The following DGKB variants were observed in gnomAD, a reference collection of about 807,000 sequenced individuals.
The protein encoded by DGKB is 90 kDa diacylglycerol kinase.
A neutral mutation model predicts 114.3 loss-of-function variants in DGKB; 67 were observed. The observed-to-expected ratio is 0.59, with a 90% CI of 0.48 to 0.72. The LOEUF is 0.72. Ranked by LOEUF, DGKB falls within the 30% of genes least tolerant of loss-of-function variation. The pLI, the probability that DGKB is intolerant of heterozygous loss-of-function variation, is 0.00. For missense variants in DGKB, 907 were observed against 975.2 expected, an observed-to-expected ratio of 0.93 and a Z score of 0.93; for synonymous variants, 398 against 323.1, an observed-to-expected ratio of 1.23 and a Z score of -2.49.
chr7:14,488,283 C>G (rs1034901532), intron 20 of DGKB, among the ~76,000 whole-genome samples: 34 of 152,106 alleles, frequency 2.2e-4, no homozygotes, highest in African/African-American at 8.0e-4. Flanking sequence ...TTCCTGCGTA[C>G]AATATGTAGC....
At chr7:14,613,248 G>A in intron 16 of DGKB, 92 bp downstream of exon 16, 1 of 677,294 alleles carries the variant, frequency 1.5e-6, no homozygotes, top group South Asian at 2.1e-5. Context: ...TAGCAGAGAG[G>A]AATAATTGTT....
intron 2 of DGKB, among the ~76,000 whole-genome samples, chr7:14,786,045 T>G (rs1019966541): frequency 2.6e-5 from 4 of 152,264 alleles, no homozygotes; most frequent in Admixed American, 6.5e-5. Flanking sequence ...TTTCCTTTTT[T>G]TCGTCTTCAT....
intron 20 of DGKB, among the ~76,000 whole-genome samples, chr7:14,562,313 G>C (rs542613040): frequency 6.6e-6 from 1 of 152,226 alleles, no homozygotes; most frequent in Admixed American, 6.5e-5. Context: ...ACCTCTGCTA[G>C]CATGCAGAAG....
intron 21 of DGKB, among the ~76,000 whole-genome samples, chr7:14,441,131 C>G (rs982615063): frequency 6.6e-6 from 1 of 152,088 alleles, no homozygotes; most frequent in Non-Finnish European, 1.5e-5. Flanking sequence ...ACCTCAGACT[C>G]TCTAGCGGCT....
At chr7:14,674,715 G>C (rs534231445) in intron 12 of DGKB, among the ~76,000 whole-genome samples, 1 of 152,066 alleles carries the variant, frequency 6.6e-6, no homozygotes, top group Admixed American at 6.6e-5. Flanking sequence ...ACGGCACAGA[G>C]AGGAGAAGTC....
rs73052903 is a variant in DGKB at position 14,813,129 on chromosome 7, G to A, written c.70+28065C>T. 1.5e-3 allele frequency among the ~76,000 whole-genome samples: 234 copies of A among 152,244 alleles called. 1 individual carries two copies. In the Middle Eastern group the frequency reaches 0.02, roughly 13 times the overall value. On this transcript the variant is annotated intron_variant, in intron 2 of 25. Coordinates refer to ENST00000402815, the MANE Select transcript of DGKB (RefSeq NM_001350709.2). The stretch of plus-strand genomic sequence containing the variant: ...TTGGAATGTTCAAAGATGTGTGAGA[G>A]GAATTCAGTAATTTTATTAATAACC...
intron 23 of DGKB, among the ~76,000 whole-genome samples, chr7:14,215,246 AG>A (rs1184090336): frequency 5.3e-5 from 8 of 152,144 alleles, no homozygotes; most frequent in Non-Finnish European, 1.0e-4. Flanking sequence ...CCCATAAGAA[AG>A]GAACCTGTAG....
intron 1 of DGKB, among the ~76,000 whole-genome samples, chr7:14,870,263 C>T (rs1852258297): frequency 6.6e-6 from 1 of 152,196 alleles, no homozygotes; most frequent in Admixed American, 6.5e-5. Context: ...CCTGTTTCTT[C>T]TACCTTGTAG....
chr7:14,391,147 G>C (rs113024356), intron 21 of DGKB, among the ~76,000 whole-genome samples: 18 of 152,232 alleles, frequency 1.2e-4, no homozygotes, highest in African/African-American at 4.3e-4. Flanking sequence ...TAACTTTACC[G>C]ATTATTAATG....
At chr7:14,664,141 A>G (rs1817630056) in intron 13 of DGKB, among the ~76,000 whole-genome samples, 1 of 152,008 alleles carries the variant, frequency 6.6e-6, no homozygotes, top group Non-Finnish European at 1.5e-5. Context: ...GAGTTCCCTT[A>G]CTTTCTAACA....
chr7:14,585,321 A>C (rs1800576064), intron 17 of DGKB, among the ~76,000 whole-genome samples: 1 of 152,172 alleles, frequency 6.6e-6, no homozygotes, highest in Admixed American at 6.6e-5. Flanking sequence ...CTAATAACTT[A>C]CATATTTCTC....
chr7:14,310,603 C>G (rs1805232480), intron 23 of DGKB, among the ~76,000 whole-genome samples: 1 of 152,208 alleles, frequency 6.6e-6, no homozygotes, highest in South Asian at 2.1e-4. Flanking sequence ...TCCTCCACAA[C>G]TCTCTATCTT....
chr7:14,642,430 G>A (rs1313847153), intron 13 of DGKB, among the ~76,000 whole-genome samples: 1 of 152,010 alleles, frequency 6.6e-6, no homozygotes, highest in Non-Finnish European at 1.5e-5. Context: ...AGGCACTTGG[G>A]TCATAAACCA....
chr7:14,145,233 G>A lies in DGKB; in HGVS notation c.*3898C>T, dbSNP rs1048362464. The A allele has an allele frequency of 6.6e-6, 1 of 151,910 alleles. No homozygotes were observed. Among genetic ancestry groups the A allele is most frequent in the Non-Finnish European group, 1.5e-5 (1 of 67,976 alleles). The allele number at this position is 151,910 out of a possible 1,614,324, so 9.4% of individuals were successfully genotyped here. ...AGAATTTAATTGGGAGTTTTAAGTG[G>A]TGATTTCTGCCTCTCACAAAATAAA... On this transcript the variant is annotated 3_prime_UTR_variant, in exon 26 of 26. Transcript: ENST00000402815.
At chr7:14,611,231 G>A (rs924014077) in intron 16 of DGKB, among the ~76,000 whole-genome samples, 2 of 152,042 alleles carry the variant, frequency 1.3e-5, no homozygotes, top group African/African-American at 4.8e-5. Flanking sequence ...ACTTCAACCT[G>A]TAATATATGG....
intron 23 of DGKB, among the ~76,000 whole-genome samples, chr7:14,301,260 G>A (rs780018916): frequency 1.3e-5 from 2 of 152,008 alleles, no homozygotes; most frequent in African/African-American, 4.8e-5. Flanking sequence ...AATCTCATTT[G>A]ACTAGGCTAC....
At chr7:14,424,787 C>G (rs1478586584) in intron 21 of DGKB, among the ~76,000 whole-genome samples, 1 of 151,976 alleles carries the variant, frequency 6.6e-6, no homozygotes, top group African/African-American at 2.4e-5. Context: ...AATAATTGCC[C>G]AGATCACACA....
intron 5 of DGKB, among the ~76,000 whole-genome samples, chr7:14,721,413 G>A (rs1829145042): frequency 6.6e-6 from 1 of 152,018 alleles, no homozygotes; most frequent in African/African-American, 2.4e-5. Flanking sequence ...ATATGCTACT[G>A]TACTAAAATT....
chr7:14,372,134 C>G lies in DGKB; in HGVS notation c.1836-26743G>C, dbSNP rs1458644724. On this transcript the variant is annotated intron_variant, in intron 21 of 25. Coordinates refer to ENST00000402815, the MANE Select transcript of DGKB (RefSeq NM_001350709.2). ...GAGAAACAAAATGCTCTTCCTTGGTCTAGGTTGCTCAGATCTTCAGTGGAA... is the reference window on the plus strand; with the variant it reads ...GAGAAACAAAATGCTCTTCCTTGGTGTAGGTTGCTCAGATCTTCAGTGGAA... 2.0e-5 allele frequency among the ~76,000 whole-genome samples: 3 copies of G among 152,118 alleles called. No individual in the cohort carries two copies. The East Asian group carries it at 5.8e-4, about 29-fold the overall frequency.
Sources: allele counts gnomAD v4.1 joint callset (sites outside exome capture counted in the v4.1 genomes callset), GRCh38; gene constraint gnomAD v4.1.1; transcripts MANE v1.5; gene names NCBI Gene and HGNC (gene_info 2026-07-23, HGNC 2026-07-21).